The following MCCC1 variants were observed in gnomAD, a reference collection of about 807,000 sequenced individuals.
The protein encoded by MCCC1 is methylcrotonoyl-CoA carboxylase subunit alpha, mitochondrial.
Under a neutral mutation model 83.8 loss-of-function variants are expected in MCCC1, and 64 were observed. That is an observed-to-expected ratio of 0.76 (90% CI 0.62 to 0.94). The LOEUF (loss-of-function observed/expected upper bound fraction) is 0.94, where lower values mean the gene tolerates loss of function less well. MCCC1 is among the 40% of genes least tolerant of loss of function. The pLI, the probability that MCCC1 is intolerant of heterozygous loss-of-function variation, is 0.00. For synonymous variants in MCCC1, 322 were observed against 315.4 expected (o/e 1.02, Z -0.22); for missense variants, 807 against 904.7 (o/e 0.89, Z 1.39).
In MCCC1 at chr3:183,043,826, T is replaced by A. The variant is rs149957300; in HGVS notation, c.1083+1587A>T. The stretch of plus-strand genomic sequence containing the variant: ...CTTCCTTAATCCTTAGAAACCTTTT[T>A]TTCTCTTATGATTTCCAAGGTCGAA... On this transcript the variant is annotated intron_variant, in intron 10 of 18. Transcript: ENST00000265594. Among the ~76,000 whole-genome samples, 46 of 152,302 alleles carry A rather than the reference T, an allele frequency of 3.0e-4. No individual in the cohort carries two copies. The East Asian group carries it at 5.6e-3, about 19-fold the overall frequency.
intron 4 of MCCC1, among the ~76,000 whole-genome samples, chr3:183,073,991 C>A (rs953744634): frequency 1.3e-5 from 2 of 152,158 alleles, no homozygotes; most frequent in African/African-American, 2.4e-5. Context: ...AGACACTGGA[C>A]AAAGGGACGA....
At chr3:183,062,783 A>C (rs1328140153) in intron 7 of MCCC1, among the ~76,000 whole-genome samples, 2 of 151,874 alleles carry the variant, frequency 1.3e-5, no homozygotes, top group Admixed American at 1.3e-4. Context: ...TTTCTGATTG[A>C]CCCTTTTCTG....
chr3:183,017,178 G>C, intron 18 of MCCC1, 88 bp downstream of exon 18: 5 of 1,100,482 alleles, frequency 4.5e-6, no homozygotes, highest in Admixed American at 1.7e-5. Flanking sequence ...TATTTAAGGT[G>C]GTATTAACTT....
intron 9 of MCCC1, among the ~76,000 whole-genome samples, chr3:183,050,469 G>A (rs1714882073): frequency 6.6e-6 from 1 of 152,168 alleles, no homozygotes; most frequent in South Asian, 2.1e-4. Context: ...TTGGGAGGCT[G>A]AGGTGGGCGG....
chr3:183,099,950 T>A (rs1719054324), upstream of MCCC1, among the ~76,000 whole-genome samples: 1 of 152,088 alleles, frequency 6.6e-6, no homozygotes. Context: ...TCTAACTGAC[T>A]ATTGGGAAAA....
At chr3:183,106,116 T>C (rs1399263577) in intron 1 of MCCC1, among the ~76,000 whole-genome samples, 1 of 130,722 alleles carries the variant, frequency 7.6e-6, no homozygotes, top group Non-Finnish European at 1.7e-5. Context: ...AACTACAACC[T>C]TGCACAAAGG....
intron 1 of MCCC1, among the ~76,000 whole-genome samples, chr3:183,095,447 C>G (rs1055892322): frequency 2.0e-5 from 3 of 152,154 alleles, no homozygotes; most frequent in Admixed American, 2.0e-4. Flanking sequence ...GGAAGTTAAA[C>G]AGGGGCAACA....
At chr3:183,049,671 C>T (rs1714817701) in intron 9 of MCCC1, among the ~76,000 whole-genome samples, 1 of 151,334 alleles carries the variant, frequency 6.6e-6, no homozygotes, top group South Asian at 2.1e-4. Flanking sequence ...TTGCTAGTAA[C>T]GGAACAAAAA....
At chr3:183,095,900 G>A (rs1718701761) in intron 1 of MCCC1, among the ~76,000 whole-genome samples, 1 of 152,166 alleles carries the variant, frequency 6.6e-6, no homozygotes, top group African/African-American at 2.4e-5. Flanking sequence ...ATGACTTGAG[G>A]TATTTTAATG....
At chr3:183,049,118 T>C (rs1714764453) in intron 9 of MCCC1, among the ~76,000 whole-genome samples, 2 of 152,164 alleles carry the variant, frequency 1.3e-5, no homozygotes, top group Non-Finnish European at 2.9e-5. Context: ...ATTTATAGCA[T>C]TGAATGTATA....
At chr3:183,034,961 G>A (rs983978638) in intron 13 of MCCC1, among the ~76,000 whole-genome samples, 2 of 151,878 alleles carry the variant, frequency 1.3e-5, no homozygotes, top group Non-Finnish European at 2.9e-5. Context: ...TATTTTTAGT[G>A]GAGATGGGGT....
At chr3:183,084,141 C>T (rs1435383911) in intron 4 of MCCC1, among the ~76,000 whole-genome samples, 2 of 152,352 alleles carry the variant, frequency 1.3e-5, no homozygotes, top group East Asian at 1.9e-4. Flanking sequence ...AAGCAATCCT[C>T]CTGCCTCAGC....
At chr3:183,109,916 T>C (rs142510924) in intron 1 of MCCC1, among the ~76,000 whole-genome samples, 172 of 152,310 alleles carry the variant, frequency 1.1e-3, no homozygotes, top group Admixed American at 2.8e-3. Context: ...CACTGTCTGT[T>C]ATGTTTTTGA....
At chr3:183,032,171 C>CT (rs1182704214) in intron 14 of MCCC1, among the ~76,000 whole-genome samples, 3 of 152,068 alleles carry the variant, frequency 2.0e-5, no homozygotes, top group African/African-American at 7.2e-5. Flanking sequence ...TTCATGAAAA[C>CT]TTTTTTTAAT....
chr3:183,021,232 A>G (rs1000856197), intron 16 of MCCC1, among the ~76,000 whole-genome samples: 3 of 151,996 alleles, frequency 2.0e-5, no homozygotes, highest in African/African-American at 7.2e-5. Flanking sequence ...TGTCATTATT[A>G]TTATTTTTTA....
At chr3:183,035,600 G>A (rs114588304) in intron 13 of MCCC1, among the ~76,000 whole-genome samples, 3,310 of 150,470 alleles carry the variant, frequency 0.022, 124 homozygotes, top group African/African-American at 0.077. Flanking sequence ...CTGTTCCAAT[G>A]AGCATTTCCT....
chr3:183,069,035 A>G (rs1456823697), intron 7 of MCCC1, among the ~76,000 whole-genome samples: 1 of 152,224 alleles, frequency 6.6e-6, no homozygotes, highest in African/African-American at 2.4e-5. Flanking sequence ...AATATTAATA[A>G]TAATTAGGAG....
chr3:183,110,055 T>C (rs1213598233), intron 1 of MCCC1, among the ~76,000 whole-genome samples: 1 of 152,228 alleles, frequency 6.6e-6, no homozygotes, highest in Non-Finnish European at 1.5e-5. Flanking sequence ...ATGTCCTCTT[T>C]TGAGAAGTGT....
At position 183,015,342 on chromosome 3, in the gene MCCC1, A is replaced by T. The variant is rs1242955030; in HGVS notation, c.*96T>A. 7.5e-7 allele frequency: 1 copy of T among 1,325,944 alleles called. No individual in the cohort carries two copies. Among genetic ancestry groups the T allele is most frequent in the Non-Finnish European group, 1.1e-6 (1 of 919,788 alleles). 82.1% of individuals were successfully genotyped at this position (1,325,944 alleles called of 1,614,324 possible). On this transcript the variant is annotated 3_prime_UTR_variant, in exon 19 of 19. Transcript: ENST00000265594. ...CATAAGCATACAATCATTTAGTAAA[A>T]CTGCTCTTTATGAGACCCCCAGAAA...
Sources: allele counts gnomAD v4.1 joint callset (sites outside exome capture counted in the v4.1 genomes callset), GRCh38; gene constraint gnomAD v4.1.1; transcripts MANE v1.5; gene names NCBI Gene and HGNC (gene_info 2026-07-23, HGNC 2026-07-21).